ARID1A: variants seen among roughly 807,000 people sequenced by gnomAD.
The protein encoded by ARID1A is AT-rich interaction domain 1A.
Under a neutral mutation model 212.6 loss-of-function variants are expected in ARID1A, and 20 were observed. That is an observed-to-expected ratio of 0.09 (90% CI 0.07 to 0.14). ARID1A has a LOEUF of 0.14. Among genes scored for constraint, ARID1A ranks in the 10% least tolerant of loss-of-function variants. The probability of loss-of-function intolerance (pLI) is 1.00; values close to 1 mark genes in which losing one functional copy is unlikely to be tolerated. For missense variants in ARID1A, 2,587 were observed against 3,059.0 expected (o/e 0.85, Z 3.64); for synonymous variants, 1,376 against 1,222.1 (o/e 1.13, Z -2.63).
intron 1 of ARID1A, among the ~76,000 whole-genome samples, chr1:26,710,490 T>TACACACACACACACACAC (rs1291075615): frequency 1.3e-3 from 13 of 9,698 alleles, no homozygotes; most frequent in African/African-American, 3.5e-3. Flanking sequence ...AATAAAATAA[T>TACACACACACACACACAC]ACATACACAC....
rs2124789425 is a variant in ARID1A, at chr1:26,731,431, C to T, written c.1630C>T (p.His544Tyr). 2 of 1,614,018 alleles carry T rather than the reference C, an allele frequency of 1.2e-6. No homozygotes were observed. Reference protein sequence around the residue: ...YPSQQSTTQQHPQSQPPYSQP... With the variant: ...YPSQQSTTQQYPQSQPPYSQP... ...CTCCCAGCAGTCGACGACACAGCAG[C>T]ACCCCCAGAGCCAGCCCCCCTACTC... Residue 544 changes from histidine (H) to tyrosine (Y), a missense_variant, in exon 3 of 20, where the codon CAC becomes TAC. Transcript: ENST00000324856.
At position 26,696,721 on chromosome 1, in the gene ARID1A, C is replaced by T. The variant is rs551186176; in HGVS notation, c.318C>T (p.Asn106=). The T allele has an allele frequency of 2.9e-3, 3,987 of 1,370,886 alleles. 7 individuals are homozygous for T. Among genetic ancestry groups the T allele is most frequent in the Non-Finnish European group, 3.4e-3 (3,625 of 1,062,448 alleles). 84.9% of individuals were successfully genotyped at this position (1,370,886 alleles called of 1,614,324 possible). The change falls in exon 1 of 20, where the codon AAC becomes AAT. Residue 106 remains asparagine, a synonymous_variant. Transcript: ENST00000324856. Reference sequence around the variant, plus strand: ...CGGACCTGAAGAACTCGAACGGGAACGCGGGCCCTAGGCCCGCCCTGAACA... The same window carrying T: ...CGGACCTGAAGAACTCGAACGGGAATGCGGGCCCTAGGCCCGCCCTGAACA... ...AEPDLKNSNG[N]AGPRPALNNN...
In ARID1A at chr1:26,697,155, C is replaced by G; in HGVS notation, c.752C>G (p.Pro251Arg). 2 of 1,441,838 alleles carry G rather than the reference C, an allele frequency of 1.4e-6. No individual in the cohort carries two copies. The allele number at this position is 1,441,838 out of a possible 1,614,324, so 89.3% of individuals were successfully genotyped here. A position where few individuals can be genotyped will look rare whatever the true frequency, so the allele number is the denominator to read the frequency against. Residue 251 changes from proline to arginine, a missense_variant, in exon 1 of 20, where the codon CCG (proline) becomes CGG (arginine). By Grantham distance (103) the Pro-to-Arg change is moderately radical (BLOSUM62 -2). Coordinates refer to ENST00000324856, the MANE Select transcript of ARID1A (RefSeq NM_006015.6). The part of the protein sequence containing the change: ...SGAAAAAGSK[P>R]PPSSSASASS... Reference sequence around the variant, plus strand: ...GCGGCGGCGGCTGCCGGCTCCAAGCCGCCTCCCTCCTCCAGCGCCTCCGCC... The same window carrying G: ...GCGGCGGCGGCTGCCGGCTCCAAGCGGCCTCCCTCCTCCAGCGCCTCCGCC...
At chr1:26,748,272 T>A (rs2080855119) in intron 4 of ARID1A, among the ~76,000 whole-genome samples, 1 of 152,198 alleles carries the variant, frequency 6.6e-6, no homozygotes, top group Non-Finnish European at 1.5e-5. Context: ...GAGAGCCAGA[T>A]GATGTGGAAG....
chr1:26,766,328 C>T lies in ARID1A; in HGVS notation c.2840C>T (p.Pro947Leu). ...MAGMINPQGP[P>L]YSMGGTMANN... ...GGCATGATCAACCCTCAGGGACCCC[C>T]ATATTCCATGGGTGGAACCATGGCC... is the stretch of plus-strand genomic sequence containing the variant. The change falls in exon 9 of 20, where the codon CCA (proline) becomes CTA (leucine). Residue 947 changes from proline (P) to leucine (L), a missense_variant. Physicochemically the swap from Pro to Leu is moderately conservative, Grantham distance 98. Around this residue, in one of 11 missense-constraint regions of ARID1A, gnomAD observed 674 missense variants for 813.4 expected, o/e 0.83. Transcript: ENST00000324856. The T allele has an allele frequency of 6.2e-7, 1 of 1,614,202 alleles. No homozygotes were observed. The highest frequency in any genetic ancestry group is 8.5e-7 in the Non-Finnish European group (1 of 1,180,032).
At chr1:26,766,161 T>C in intron 8 of ARID1A, 60 bp from the exon 9 acceptor site, 5 of 1,564,816 alleles carry the variant, frequency 3.2e-6, no homozygotes, top group Non-Finnish European at 4.3e-6. Context: ...TGGCTCCAGT[T>C]CAAATCTAAA....
At chr1:26,763,903 C>T (rs925621868) in intron 8 of ARID1A, among the ~76,000 whole-genome samples, 5 of 152,178 alleles carry the variant, frequency 3.3e-5, no homozygotes, top group Admixed American at 3.3e-4. Context: ...ATCCTCCCAC[C>T]TCAGCCTTCT....
At chr1:26,751,669 C>CAA (rs1430398164) in intron 4 of ARID1A, among the ~76,000 whole-genome samples, 12 of 152,162 alleles carry the variant, frequency 7.9e-5, no homozygotes, top group Non-Finnish European at 1.6e-4. Flanking sequence ...GTCACATATT[C>CAA]ATGTCAATTC....
chr1:26,736,636 A>G (rs2080733221), intron 4 of ARID1A, among the ~76,000 whole-genome samples: 1 of 150,640 alleles, frequency 6.6e-6, no homozygotes, highest in Non-Finnish European at 1.5e-5. Flanking sequence ...CTCAAAAAAA[A>G]AAAAAAAAAA....
At chr1:26,729,453 T>G in intron 1 of ARID1A, 198 bp from the exon 2 acceptor site, 2 of 625,478 alleles carry the variant, frequency 3.2e-6, no homozygotes, top group Non-Finnish European at 5.6e-6. Flanking sequence ...GGTGGTATTT[T>G]CATTTTTCAA....
rs1430689430 is a variant in ARID1A, at chr1:26,696,632, G to C, written c.229G>C (p.Ala77Pro). Residue 77 changes from alanine to proline, a missense_variant, in exon 1 of 20, where the codon GCC becomes CCC. Ala to Pro is a conservative substitution (Grantham distance 27). This residue lies in a region of ARID1A where 735 missense variants were observed against 590.6 expected (regional missense o/e 1.24). Transcript: ENST00000324856. ...GCTGGGAAAGGAGCTGCAGGACGGG[G>C]CCGAGAGCAATGGGGGTGGCGGCGG... ...QPLGKELQDG[A>P]ESNGGGGGGG... 5 of 1,290,194 alleles carry C rather than the reference G, an allele frequency of 3.9e-6. No homozygotes were observed. Among genetic ancestry groups the C allele is most frequent in the Non-Finnish European group, 4.9e-6 (5 of 1,023,288 alleles). 79.9% of individuals were successfully genotyped at this position (1,290,194 alleles called of 1,614,324 possible). A position where few individuals can be genotyped will look rare whatever the true frequency, so the allele number is the denominator to read the frequency against.
intron 8 of ARID1A, chr1:26,764,228 G>A (rs1373992702): frequency 6.7e-6 from 1 of 149,352 alleles, no homozygotes; most frequent in Non-Finnish European, 1.5e-5. Flanking sequence ...GCCTCTGAAA[G>A]TGCTGGGATT....
intron 1 of ARID1A, among the ~76,000 whole-genome samples, chr1:26,715,156 A>AG (rs1329220703): frequency 6.6e-6 from 1 of 152,174 alleles, no homozygotes; most frequent in East Asian, 1.9e-4. Context: ...TTTTGTGGCT[A>AG]GGGGCAGTTT....
rs1371916648 is a variant in ARID1A at position 26,767,967 on chromosome 1, G to A, written c.3166G>A (p.Val1056Met). Reference sequence around the variant, plus strand: ...ACCTCTGGACCTCTATCGCCTCTATGTGTCTGTGAAGGAGATTGGTGGATT... The same window carrying A: ...ACCTCTGGACCTCTATCGCCTCTATATGTCTGTGAAGGAGATTGGTGGATT... ...RKPLDLYRLY[V>M]SVKEIGGLTQ... The change falls in exon 11 of 20, where the codon GTG becomes ATG. Residue 1056 changes from valine (V) to methionine (M), a missense_variant. Coordinates refer to ENST00000324856, the MANE Select transcript of ARID1A (RefSeq NM_006015.6). 3.7e-6 allele frequency: 6 copies of A among 1,613,866 alleles called. No individual in the cohort carries two copies. In the African/African-American group the frequency reaches 4.0e-5, roughly 11 times the overall value.
At chr1:26,706,517 T>C (rs2080393708) in intron 1 of ARID1A, among the ~76,000 whole-genome samples, 1 of 152,228 alleles carries the variant, frequency 6.6e-6, no homozygotes, top group Non-Finnish European at 1.5e-5. Flanking sequence ...CGGGCATGAG[T>C]GCCTTTGGGC....
intron 1 of ARID1A, among the ~76,000 whole-genome samples, chr1:26,721,047 T>A (rs982502364): frequency 6.6e-6 from 1 of 152,138 alleles, no homozygotes; most frequent in Non-Finnish European, 1.5e-5. Context: ...CCAGATGTAC[T>A]TACTGCCTCT....
At chr1:26,736,322 CAAAAAA>C (rs1159133678) in intron 4 of ARID1A, among the ~76,000 whole-genome samples, 4 of 52,452 alleles carry the variant, frequency 7.6e-5, no homozygotes, top group Non-Finnish European at 1.6e-4. Context: ...AACTCCATCT[CAAAAAA>C]AAAAAAAAAA....
chr1:26,729,948 T>C (rs1262219445), intron 2 of ARID1A, 85 bp downstream of exon 2: 2 of 1,483,182 alleles, frequency 1.3e-6, no homozygotes, highest in African/African-American at 2.8e-5. Context: ...TATCCTTGGC[T>C]TCCAAGCCTC....
intron 19 of ARID1A, among the ~76,000 whole-genome samples, chr1:26,776,565 G>A (rs548062455): frequency 2.6e-5 from 4 of 152,258 alleles, no homozygotes; most frequent in East Asian, 3.9e-4. Flanking sequence ...GAGCAACCGC[G>A]CCCGGCCCTA....
Sources: allele counts gnomAD v4.1 joint callset (sites outside exome capture counted in the v4.1 genomes callset), GRCh38; gene constraint gnomAD v4.1.1; regional missense constraint gnomAD v4.1.1; transcripts MANE v1.5; gene names NCBI Gene and HGNC (gene_info 2026-07-23, HGNC 2026-07-21).